TET1: variants seen among roughly 807,000 people sequenced by gnomAD.
TET1 encodes the protein tet methylcytosine dioxygenase 1.
In TET1, 13 loss-of-function variants were observed where a neutral mutation model predicts 148.7. The observed-to-expected ratio is 0.09, with a 90% CI of 0.06 to 0.14. TET1 has a LOEUF of 0.14. TET1 is among the 10% of genes least tolerant of loss of function. TET1 has a pLI of 1.00. For synonymous variants in TET1, 907 were observed against 937.2 expected, an observed-to-expected ratio of 0.97 and a Z score of 0.59; for missense variants, 2,182 against 2,553.8, an observed-to-expected ratio of 0.85 and a Z score of 3.14.
rs1401841209 is a variant in TET1, at chr10:68,596,017, C to CATAT, written c.1915-4963_1915-4962insTATA. Among the ~76,000 whole-genome samples the CATAT allele has an allele frequency of 2.7e-3, 295 of 108,530 alleles. 1 individual carries two copies. The highest frequency in any genetic ancestry group is 0.01 in the African/African-American group (253 of 24,786). The allele number at this position is 108,530 out of a possible 152,430, so 71.2% of individuals were successfully genotyped here. ...ACACACACACACACACACACACACA[C>CATAT]ACACACACACATATATATATATATA... is the stretch of plus-strand genomic sequence containing the variant. On this transcript the variant is annotated intron_variant, in intron 2 of 11. Transcript: ENST00000373644.
chr10:68,691,915 C>A lies in TET1; in HGVS notation c.*101C>A. On this transcript the variant is annotated 3_prime_UTR_variant, in exon 12 of 12. Transcript: ENST00000373644. The surrounding 1 kb of genome is among the most constrained non-coding windows in gnomAD (Gnocchi z 4.4). The stretch of plus-strand genomic sequence containing the variant: ...TGTCGTTTACTATCTTCATCTCACC[C>A]ATTTCAAGTCTGAGGTAAAAAAATA... 7.5e-7 allele frequency: 1 copy of A among 1,340,708 alleles called. No homozygotes were observed. The highest frequency in any genetic ancestry group is 1.0e-6 in the Non-Finnish European group (1 of 991,382). 83.1% of individuals were successfully genotyped at this position (1,340,708 alleles called of 1,614,324 possible). A position where few individuals can be genotyped will look rare whatever the true frequency, so the allele number is the denominator to read the frequency against.
intron 8 of TET1, chr10:68,673,400 G>A: frequency 2.6e-6 from 1 of 386,016 alleles, no homozygotes; most frequent in Non-Finnish European, 5.2e-6. Context: ...ACTACCCACA[G>A]ACCTACTATG....
intron 3 of TET1, 106 bp downstream of exon 3, chr10:68,601,140 T>G: frequency 1.1e-6 from 1 of 946,118 alleles, no homozygotes; most frequent in African/African-American, 1.7e-5. Flanking sequence ...TTCTCCCAGA[T>G]TTTCAGTAGA....
intron 3 of TET1, among the ~76,000 whole-genome samples, chr10:68,613,115 G>A (rs535953658): frequency 6.6e-6 from 1 of 152,302 alleles, no homozygotes; most frequent in East Asian, 1.9e-4. Flanking sequence ...GCATCTTGGT[G>A]TAAAGGAAAA....
At chr10:68,565,483 T>A (rs368678138) in intron 1 of TET1, among the ~76,000 whole-genome samples, 1,893 of 102,604 alleles carry the variant, frequency 0.018, 13 homozygotes, top group Middle Eastern at 0.064. Context: ...AAAATATATA[T>A]ATATATATAT....
chr10:68,564,900 G>C (rs1327764798), intron 1 of TET1, among the ~76,000 whole-genome samples: 1 of 152,114 alleles, frequency 6.6e-6, no homozygotes, highest in Non-Finnish European at 1.5e-5. Flanking sequence ...GCCTGTGCTT[G>C]TAATTCCCGC....
intron 3 of TET1, among the ~76,000 whole-genome samples, chr10:68,631,433 C>CTTCTTTTT (rs2054568399): frequency 3.6e-5 from 4 of 110,582 alleles, no homozygotes; most frequent in Non-Finnish European, 5.3e-5. Flanking sequence ...TTTCTTTCTT[C>CTTCTTTTT]TTTTTTTTTT....
At chr10:68,606,732 A>C (rs2054131058) in intron 3 of TET1, among the ~76,000 whole-genome samples, 1 of 152,244 alleles carries the variant, frequency 6.6e-6, no homozygotes, top group South Asian at 2.1e-4. Flanking sequence ...TCACAAGGGA[A>C]TACCAGCTTT....
intron 3 of TET1, among the ~76,000 whole-genome samples, chr10:68,625,110 C>A (rs1204654007): frequency 6.6e-6 from 1 of 152,092 alleles, no homozygotes; most frequent in Non-Finnish European, 1.5e-5. Flanking sequence ...TTATTGGTCT[C>A]ATTTATTATT....
chr10:68,571,652 C>G (rs976200791), intron 1 of TET1, among the ~76,000 whole-genome samples: 1 of 151,490 alleles, frequency 6.6e-6, no homozygotes, highest in Non-Finnish European at 1.5e-5. Context: ...CCTGCCTTGG[C>G]CTCCCAAAGT....
rs749817006 is a variant in TET1 at position 68,601,046 on chromosome 10, T to C, written c.1968+12T>C. On this transcript the variant is annotated intron_variant, in intron 3 of 11. Coordinates refer to ENST00000373644, the MANE Select transcript of TET1 (RefSeq NM_030625.3). Reference sequence around the variant, plus strand: ...CCAAAGTTTTAAAGGTAATCAGCTGTTGATTAAATAATATTTCATTATTTT... The same window carrying C: ...CCAAAGTTTTAAAGGTAATCAGCTGCTGATTAAATAATATTTCATTATTTT... The C allele has an allele frequency of 6.3e-7, 1 of 1,589,898 alleles. No homozygotes were observed. The highest frequency in any genetic ancestry group is 8.5e-7 in the Non-Finnish European group (1 of 1,170,762).
chr10:68,590,233 C>T (rs1328206170), intron 2 of TET1, among the ~76,000 whole-genome samples: 6 of 151,996 alleles, frequency 3.9e-5, no homozygotes, highest in Non-Finnish European at 7.4e-5. Flanking sequence ...CCATCTCAGC[C>T]TCCTGAGTAG....
At chr10:68,602,951 T>C (rs935285099) in intron 3 of TET1, among the ~76,000 whole-genome samples, 12 of 152,234 alleles carry the variant, frequency 7.9e-5, no homozygotes, top group Admixed American at 7.9e-4. Flanking sequence ...AGATTTTAGC[T>C]TGATGTGTAT....
intron 8 of TET1, among the ~76,000 whole-genome samples, chr10:68,678,619 G>A (rs554095361): frequency 1.3e-5 from 2 of 151,792 alleles, no homozygotes; most frequent in Admixed American, 6.6e-5. Flanking sequence ...GCATGGTGGC[G>A]GGCACCTGTA....
chr10:68,598,700 CTTTTTTT>C (rs36067164), intron 2 of TET1, among the ~76,000 whole-genome samples: 1 of 129,886 alleles, frequency 7.7e-6, no homozygotes, highest in Admixed American at 8.1e-5. Flanking sequence ...CTTTTTCTTT[CTTTTTTT>C]TTTTTTTTTG....
chr10:68,624,624 CTT>C (rs1564974689), intron 3 of TET1, among the ~76,000 whole-genome samples: 109 of 36,054 alleles, frequency 3.0e-3, no homozygotes, highest in African/African-American at 0.017. Flanking sequence ...TTCTTTCTTT[CTT>C]TCTTTCTTTC....
intron 4 of TET1, among the ~76,000 whole-genome samples, chr10:68,650,575 G>A (rs1368302603): frequency 1.3e-5 from 2 of 152,164 alleles, no homozygotes; most frequent in East Asian, 3.9e-4. Flanking sequence ...AGATTGCAGT[G>A]AGCCAAGATC....
chr10:68,567,355 A>C (rs2133670112), intron 1 of TET1, among the ~76,000 whole-genome samples: 2 of 151,242 alleles, frequency 1.3e-5, no homozygotes, highest in South Asian at 4.2e-4. Context: ...TACCTAGGTC[A>C]GTCAGTAATT....
chr10:68,575,634 G>A (rs1264238244), intron 2 of TET1, among the ~76,000 whole-genome samples: 1 of 151,726 alleles, frequency 6.6e-6, no homozygotes, highest in Non-Finnish European at 1.5e-5. Flanking sequence ...CCCGGGAGGC[G>A]GAGGTTTCAG....
Sources: gnomAD v4.1 joint callset for allele counts (sites outside exome capture counted in the v4.1 genomes callset) on GRCh38, gnomAD v4.1.1 for gene constraint, Gnocchi (gnomAD v3.1) non-coding constraint, MANE v1.5 for transcripts, NCBI Gene and HGNC (gene_info 2026-07-23, HGNC 2026-07-21) for gene names.